CNTN5: variants seen among roughly 807,000 people sequenced by gnomAD.
CNTN5 encodes the protein contactin 5.
CNTN5 carries 77 observed loss-of-function variants against 129.1 expected under a neutral mutation model. That is an observed-to-expected ratio of 0.60 (90% CI 0.50 to 0.72). The LOEUF is 0.72. Among genes scored for constraint, CNTN5 ranks in the 30% least tolerant of loss-of-function variants. CNTN5 has a pLI of 0.00. For missense variants in CNTN5, 1,478 were observed against 1,328.8 expected (o/e 1.11, Z -1.75); for synonymous variants, 509 against 465.6 (o/e 1.09, Z -1.20).
intron 3 of CNTN5, among the ~76,000 whole-genome samples, chr11:99,707,086 T>C (rs34265818): frequency 1.6e-4 from 25 of 151,552 alleles, no homozygotes; most frequent in African/African-American, 5.1e-4. Context: ...GCACCTGCCA[T>C]AAATTCCTCC....
intron 2 of CNTN5, among the ~76,000 whole-genome samples, chr11:99,488,207 C>T (rs1945894401): frequency 7.8e-6 from 1 of 127,412 alleles, no homozygotes; most frequent in Non-Finnish European, 1.6e-5. Flanking sequence ...GAGTCTCGCT[C>T]TGTCGTCCAG....
intron 1 of CNTN5, among the ~76,000 whole-genome samples, chr11:99,151,243 T>G (rs572608027): frequency 6.6e-6 from 1 of 152,118 alleles, no homozygotes; most frequent in South Asian, 2.1e-4. Flanking sequence ...CCTAGAAAGA[T>G]AGATAGGTTA....
At chr11:99,383,742 T>C (rs1591605140) in intron 2 of CNTN5, among the ~76,000 whole-genome samples, 1 of 152,206 alleles carries the variant, frequency 6.6e-6, no homozygotes. Context: ...GAAATGCTTG[T>C]CTTAACAGGG....
At chr11:99,404,409 T>C (rs1045597920) in intron 2 of CNTN5, among the ~76,000 whole-genome samples, 2 of 151,980 alleles carry the variant, frequency 1.3e-5, no homozygotes, top group African/African-American at 4.8e-5. Flanking sequence ...TCTGGTTGTT[T>C]TGTGGTCTTC....
chr11:99,765,841 T>C lies in CNTN5; in HGVS notation c.56-53703T>C, dbSNP rs570216730. Among the ~76,000 whole-genome samples the C allele has an allele frequency of 1.1e-3, 160 of 151,978 alleles. 2 individuals are homozygous for C. Among genetic ancestry groups the C allele is most frequent in the African/African-American group, 3.6e-3 (149 of 41,520 alleles). ...CTACTTGTTTATAGTCAATTAGATA[T>C]GAAGAACATGGATCTGTATTCTGGT... On this transcript the variant is annotated intron_variant, in intron 3 of 24. Coordinates refer to ENST00000524871, the MANE Select transcript of CNTN5 (RefSeq NM_014361.4).
At chr11:100,193,121 TA>T (rs922107821) in intron 14 of CNTN5, among the ~76,000 whole-genome samples, 19 of 151,942 alleles carry the variant, frequency 1.3e-4, no homozygotes, top group African/African-American at 4.6e-4. Context: ...CTTTTTATTG[TA>T]AAAAATCTTT....
chr11:99,808,288 A>G (rs1445432180), intron 3 of CNTN5, among the ~76,000 whole-genome samples: 1 of 152,172 alleles, frequency 6.6e-6, no homozygotes, highest in East Asian at 1.9e-4. Context: ...GCAATATTTT[A>G]GCCCACTTGA....
intron 3 of CNTN5, among the ~76,000 whole-genome samples, chr11:99,627,664 G>A (rs1000434693): frequency 2.6e-5 from 4 of 151,890 alleles, no homozygotes; most frequent in Non-Finnish European, 5.9e-5. Flanking sequence ...AATAAGCTCA[G>A]GTGGCATTAA....
intron 3 of CNTN5, among the ~76,000 whole-genome samples, chr11:99,765,628 G>A (rs1233805429): frequency 6.7e-6 from 1 of 150,276 alleles, no homozygotes; most frequent in African/African-American, 2.4e-5. Flanking sequence ...TAACTTTTTA[G>A]CCTTTCAGAT....
intron 2 of CNTN5, among the ~76,000 whole-genome samples, chr11:99,475,632 C>T (rs1294938422): frequency 6.6e-6 from 1 of 151,816 alleles, no homozygotes; most frequent in Non-Finnish European, 1.5e-5. Flanking sequence ...TGCCATAAAC[C>T]TTGTCTTTTT....
At chr11:99,127,387 A>G (rs1253081543) in intron 1 of CNTN5, among the ~76,000 whole-genome samples, 2 of 152,144 alleles carry the variant, frequency 1.3e-5, no homozygotes, top group African/African-American at 4.8e-5. Flanking sequence ...TACAACTATC[A>G]GTCTAATATT....
intron 16 of CNTN5, among the ~76,000 whole-genome samples, chr11:100,246,072 TA>T (rs1318501521): frequency 6.6e-6 from 1 of 152,152 alleles, no homozygotes; most frequent in Non-Finnish European, 1.5e-5. Flanking sequence ...ATGTTTCACA[TA>T]TTTTCTATTT....
intron 2 of CNTN5, among the ~76,000 whole-genome samples, chr11:99,503,940 AC>A (rs1565237707): frequency 1.3e-5 from 2 of 152,188 alleles, no homozygotes; most frequent in Non-Finnish European, 2.9e-5. Context: ...TGTATTTGTA[AC>A]AAAAATCTTA....
At chr11:99,339,010 TG>T (rs1251882331) in intron 2 of CNTN5, among the ~76,000 whole-genome samples, 2 of 138,336 alleles carry the variant, frequency 1.4e-5, no homozygotes, top group Admixed American at 7.1e-5. Context: ...CCATTATGAG[TG>T]AACTAGAAAT....
chr11:99,364,207 T>C (rs541871378), intron 2 of CNTN5, among the ~76,000 whole-genome samples: 2 of 152,294 alleles, frequency 1.3e-5, no homozygotes, highest in African/African-American at 4.8e-5. Context: ...TTTAATTAGA[T>C]GGTGTTAGCT....
chr11:99,789,255 A>G (rs956495595), intron 3 of CNTN5, among the ~76,000 whole-genome samples: 2 of 151,986 alleles, frequency 1.3e-5, no homozygotes, highest in South Asian at 4.1e-4. Flanking sequence ...TCAAAAATTC[A>G]TACATATTTT....
intron 2 of CNTN5, among the ~76,000 whole-genome samples, chr11:99,552,961 G>A (rs539765113): frequency 6.6e-6 from 1 of 152,160 alleles, no homozygotes; most frequent in South Asian, 2.1e-4. Flanking sequence ...GACCTATTAA[G>A]GTGTAATGCT....
intron 2 of CNTN5, among the ~76,000 whole-genome samples, chr11:99,545,646 A>G (rs1230723569): frequency 6.6e-6 from 1 of 152,190 alleles, no homozygotes; most frequent in African/African-American, 2.4e-5. Context: ...TCAGAAAACA[A>G]ATTTATCCAT....
At chr11:99,532,540 A>G (rs1947751231) in intron 2 of CNTN5, among the ~76,000 whole-genome samples, 1 of 152,114 alleles carries the variant, frequency 6.6e-6, no homozygotes, top group Non-Finnish European at 1.5e-5. Context: ...TCTCCACTCA[A>G]ATCTCAACTT....
Sources: gnomAD v4.1 joint callset for allele counts (sites outside exome capture counted in the v4.1 genomes callset) on GRCh38, gnomAD v4.1.1 for gene constraint, MANE v1.5 for transcripts, NCBI Gene and HGNC (gene_info 2026-07-23, HGNC 2026-07-21) for gene names.